The following RAP1B variants were observed in gnomAD, a reference collection of about 807,000 sequenced individuals.
The protein encoded by RAP1B is RAP1B, member of RAS oncogene family.
In RAP1B, 1 loss-of-function variant was observed where a neutral mutation model predicts 27.5. That is an observed-to-expected ratio of 0.04 (90% CI 0.01 to 0.17). The LOEUF (loss-of-function observed/expected upper bound fraction) is 0.17. Among genes scored for constraint, RAP1B ranks in the 10% least tolerant of loss-of-function variants. The probability of loss-of-function intolerance (pLI) is 1.00; values close to 1 mark genes in which losing one functional copy is unlikely to be tolerated. For synonymous variants in RAP1B, 75 were observed against 73.1 expected, an observed-to-expected ratio of 1.03 and a Z score of -0.13; for missense variants, 84 against 214.8, an observed-to-expected ratio of 0.39 and a Z score of 3.81.
intron 1 of RAP1B, among the ~76,000 whole-genome samples, chr12:68,618,126 C>T (rs541000736): frequency 4.5e-5 from 5 of 110,908 alleles, no homozygotes; most frequent in South Asian, 6.5e-4. Context: ...TGGAGTCTGT[C>T]GCCCAGGCTA....
At chr12:68,621,439 C>A (rs1046479473) in intron 1 of RAP1B, 1 of 151,928 alleles carries the variant, frequency 6.6e-6, no homozygotes. Flanking sequence ...GTGTTTTTTT[C>A]TTCCAGGAGC....
chr12:68,665,831 T>C lies in RAP1B; in HGVS notation c.*6582T>C, dbSNP rs555842826. 2.0e-5 allele frequency: 3 copies of C among 152,168 alleles called. No homozygotes were observed. The highest frequency in any genetic ancestry group is 4.4e-5 in the Non-Finnish European group (3 of 68,014). The allele number at this position is 152,168 out of a possible 1,614,324, so 9.4% of individuals were successfully genotyped here. On this transcript the variant is annotated 3_prime_UTR_variant, in exon 8 of 8. Coordinates refer to ENST00000250559, the MANE Select transcript of RAP1B (RefSeq NM_001010942.3). ...TTCAGAGTCAGTATTGGCAAACTTA[T>C]ATTTAAATTCAGCTGTAACAAGACA... is the stretch of plus-strand genomic sequence containing the variant.
chr12:68,626,178 C>T (rs78719671), intron 1 of RAP1B, among the ~76,000 whole-genome samples: 1 of 152,260 alleles, frequency 6.6e-6, no homozygotes, highest in East Asian at 1.9e-4. Context: ...CCCACTTAAG[C>T]ATTTATATTG....
intron 1 of RAP1B, among the ~76,000 whole-genome samples, chr12:68,622,896 C>A (rs1329299322): frequency 1.3e-5 from 2 of 152,168 alleles, no homozygotes; most frequent in African/African-American, 4.8e-5. Context: ...GTGGCCTGGT[C>A]TCATAATCTT....
chr12:68,634,096 C>G (rs1872460574), intron 1 of RAP1B, among the ~76,000 whole-genome samples: 1 of 151,984 alleles, frequency 6.6e-6, no homozygotes, highest in African/African-American at 2.4e-5. Context: ...ATGACAACTC[C>G]CAGGTATACA....
intron 1 of RAP1B, among the ~76,000 whole-genome samples, chr12:68,629,137 C>T (rs1872048381): frequency 2.0e-5 from 3 of 152,186 alleles, no homozygotes; most frequent in African/African-American, 7.2e-5. Flanking sequence ...CAGGCATGCA[C>T]CACCATGCCC....
chr12:68,623,582 T>C (rs955946424), intron 1 of RAP1B, among the ~76,000 whole-genome samples: 2 of 152,156 alleles, frequency 1.3e-5, no homozygotes, highest in African/African-American at 4.8e-5. Flanking sequence ...ATAGTCACAT[T>C]AAGTGAGAGA....
chr12:68,656,916 A>T (rs1342777745), intron 6 of RAP1B, among the ~76,000 whole-genome samples, 185 bp from the exon 7 acceptor site: 4 of 152,224 alleles, frequency 2.6e-5, no homozygotes, highest in African/African-American at 9.6e-5. Context: ...AAGGAGCACA[A>T]TATTAACACT....
At position 68,668,344 on chromosome 12, in the gene RAP1B, T is replaced by C. The variant is rs1246930949; in HGVS notation, c.*9095T>C. ...AGTGTTGATCTCCCTAAGACTATTA[T>C]AATAAGGAAGGGGTTTTTTTCTTAG... On this transcript the variant is annotated 3_prime_UTR_variant, in exon 8 of 8. Transcript: ENST00000250559. 6.6e-6 allele frequency: 1 copy of C among 152,158 alleles called. No homozygotes were observed. Among genetic ancestry groups the C allele is most frequent in the African/African-American group, 2.4e-5 (1 of 41,438 alleles). 9.4% of individuals were successfully genotyped at this position (152,158 alleles called of 1,614,324 possible).
intron 1 of RAP1B, among the ~76,000 whole-genome samples, chr12:68,632,685 G>A (rs1872352741): frequency 6.6e-6 from 1 of 152,032 alleles, no homozygotes; most frequent in African/African-American, 2.4e-5. Flanking sequence ...AAAAGAATGT[G>A]GAGTAAATGG....
chr12:68,615,998 C>G (rs1870966709), intron 1 of RAP1B, among the ~76,000 whole-genome samples: 1 of 151,036 alleles, frequency 6.6e-6, no homozygotes, highest in African/African-American at 2.4e-5. Context: ...GAGTCCCACT[C>G]TGTCGCCCAG....
chr12:68,634,560 A>G (rs1872497216), intron 1 of RAP1B, among the ~76,000 whole-genome samples: 1 of 152,098 alleles, frequency 6.6e-6, no homozygotes, highest in Non-Finnish European at 1.5e-5. Context: ...AGAAACTAAT[A>G]AGGTGATCTT....
rs1186676241 is a variant in RAP1B at position 68,662,010 on chromosome 12, A to G, written c.*2761A>G. On this transcript the variant is annotated 3_prime_UTR_variant, in exon 8 of 8. Transcript: ENST00000250559. ...AATGCCAGTGCTATCCTCTAGGTCT[A>G]TATATATATATATATATATATATTA... is the stretch of plus-strand genomic sequence containing the variant. 1 of 56,978 alleles carries G rather than the reference A, an allele frequency of 1.8e-5. No individual in the cohort carries two copies. Among genetic ancestry groups the G allele is most frequent in the African/African-American group, 4.2e-5 (1 of 23,552 alleles). The allele number at this position is 56,978 out of a possible 1,614,324, so 3.5% of individuals were successfully genotyped here.
chr12:68,615,511 C>A (rs894606931), intron 1 of RAP1B, among the ~76,000 whole-genome samples: 5 of 151,718 alleles, frequency 3.3e-5, no homozygotes, highest in Non-Finnish European at 7.4e-5. Flanking sequence ...ATCGCTTGAA[C>A]CTGGGAGGCG....
At chr12:68,616,431 C>T (rs1012760329) in intron 1 of RAP1B, among the ~76,000 whole-genome samples, 1 of 147,080 alleles carries the variant, frequency 6.8e-6, no homozygotes, top group Non-Finnish European at 1.5e-5. Context: ...AATACTGTGC[C>T]TGGCTAATTT....
intron 7 of RAP1B, 38 bp downstream of exon 7, chr12:68,657,255 C>T (rs1196748414): frequency 1.5e-6 from 2 of 1,348,800 alleles, no homozygotes; most frequent in East Asian, 2.3e-5. Context: ...TTTAATCACT[C>T]AACCTTATTA....
intron 1 of RAP1B, among the ~76,000 whole-genome samples, chr12:68,647,116 G>T (rs1873462126): frequency 2.6e-5 from 4 of 152,088 alleles, no homozygotes; most frequent in Admixed American, 1.3e-4. Flanking sequence ...CCAGTGGTGT[G>T]ATCTCAGCTC....
intron 7 of RAP1B, among the ~76,000 whole-genome samples, chr12:68,657,941 T>C (rs1874346000): frequency 6.6e-6 from 1 of 152,012 alleles, no homozygotes; most frequent in Admixed American, 6.6e-5. Flanking sequence ...AACTTTTAAG[T>C]TCCAGGATAC....
At position 68,666,728 on chromosome 12, in the gene RAP1B, T is replaced by C. The variant is rs1331163557; in HGVS notation, c.*7479T>C. ...GATGTGGACATGCCTTTGGGAGCCA[T>C]TAACAACCTACCAAAACATTTTAAC... On this transcript the variant is annotated 3_prime_UTR_variant, in exon 8 of 8. Coordinates refer to ENST00000250559, the MANE Select transcript of RAP1B (RefSeq NM_001010942.3). The C allele has an allele frequency of 6.6e-6, 1 of 152,218 alleles. No individual in the cohort carries two copies. Among genetic ancestry groups the C allele is most frequent in the African/African-American group, 2.4e-5 (1 of 41,444 alleles). 9.4% of individuals were successfully genotyped at this position (152,218 alleles called of 1,614,324 possible).
Sources: allele counts gnomAD v4.1 joint callset (sites outside exome capture counted in the v4.1 genomes callset), GRCh38; gene constraint gnomAD v4.1.1; transcripts MANE v1.5; gene names NCBI Gene and HGNC (gene_info 2026-07-23, HGNC 2026-07-21).